The following RTTN variants were observed in gnomAD, a reference collection of about 807,000 sequenced individuals.
RTTN encodes rotatin.
A neutral mutation model predicts 269.2 loss-of-function variants in RTTN; 182 were observed. That is an observed-to-expected ratio of 0.68 (90% confidence interval 0.60 to 0.76). The LOEUF (loss-of-function observed/expected upper bound fraction) is 0.76. Ranked by LOEUF, RTTN falls within the 30% of genes least tolerant of loss-of-function variation. The pLI, the probability that RTTN is intolerant of heterozygous loss-of-function variation, is 0.00. For missense variants in RTTN, 2,545 were observed against 2,608.6 expected (o/e 0.98, Z 0.53); for synonymous variants, 1,006 against 963.5 (o/e 1.04, Z -0.82).
intron 23 of RTTN, chr18:70,130,180 G>A (rs2059963319): frequency 6.6e-6 from 1 of 151,880 alleles, no homozygotes; most frequent in African/African-American, 2.4e-5. Context: ...ACTGTTAGTG[G>A]GAATGTAAAT....
In RTTN at chr18:70,052,437, T is replaced by C. The variant is rs2057696753; in HGVS notation, c.5186-889A>G. Among the ~76,000 whole-genome samples the C allele has an allele frequency of 2.0e-5, 3 of 152,292 alleles. No homozygotes were observed. In the East Asian group the frequency reaches 5.8e-4, roughly 29 times the overall value. On this transcript the variant is annotated intron_variant, in intron 38 of 48. Transcript: ENST00000640769. ...ATTTTAATTCCACACATATACTGTA[T>C]ATCTCTTTATGTACTATATGTATAT... is the stretch of plus-strand genomic sequence containing the variant.
intron 14 of RTTN, 110 bp downstream of exon 14, chr18:70,165,952 A>G (rs2060972926): frequency 9.6e-7 from 1 of 1,046,434 alleles, no homozygotes; most frequent in Admixed American, 2.6e-5. Context: ...TTTATGGGAT[A>G]TAGTTCTTAT....
chr18:70,029,201 A>T (rs1599169056), intron 42 of RTTN, among the ~76,000 whole-genome samples: 1 of 152,096 alleles, frequency 6.6e-6, no homozygotes. Context: ...ACATACAATC[A>T]ATCTCCTGCA....
intron 4 of RTTN, among the ~76,000 whole-genome samples, chr18:70,201,532 C>T (rs1271645112): frequency 2.4e-5 from 3 of 125,592 alleles, no homozygotes; most frequent in African/African-American, 2.8e-5. Flanking sequence ...GGCGTGAACC[C>T]GGGAGGCGGA....
intron 35 of RTTN, among the ~76,000 whole-genome samples, chr18:70,063,168 A>G (rs1015867703): frequency 2.6e-5 from 4 of 152,138 alleles, no homozygotes; most frequent in Admixed American, 6.5e-5. Context: ...TTTGTTATCT[A>G]TTGCCAAATT....
At chr18:70,070,022 A>C (rs141385774) in intron 34 of RTTN, among the ~76,000 whole-genome samples, 3 of 152,350 alleles carry the variant, frequency 2.0e-5, no homozygotes, top group East Asian at 3.9e-4. Context: ...AAGAAGTTTA[A>C]ATTATTTCAA....
intron 44 of RTTN, among the ~76,000 whole-genome samples, chr18:70,022,784 G>A (rs149175587): frequency 1.3e-5 from 2 of 152,224 alleles, no homozygotes; most frequent in East Asian, 3.9e-4. Context: ...TTCTGTGACT[G>A]TGCACTGTTA....
chr18:70,192,688 A>G (rs2061703152), intron 8 of RTTN, among the ~76,000 whole-genome samples: 1 of 150,828 alleles, frequency 6.6e-6, no homozygotes, highest in Non-Finnish European at 1.5e-5. Context: ...AAAAAAAAAA[A>G]AGAAAAAAAT....
Position 70,004,007 on chromosome 18 carries a change from T to TTC in RTTN, c.*142_*143dup, listed in dbSNP as rs989032445. The TTC allele has an allele frequency of 1.7e-6, 1 of 591,362 alleles. No individual in the cohort carries two copies. 36.6% of individuals were successfully genotyped at this position (591,362 alleles called of 1,614,324 possible). ...CTGGACGGTGTTGGAGTATCACCAG[T>TTC]TCTCTCTCTCATGGGAAAGAAGGGG... is the stretch of plus-strand genomic sequence containing the variant. On this transcript the variant is annotated 3_prime_UTR_variant, in exon 49 of 49. Coordinates refer to ENST00000640769, the MANE Select transcript of RTTN (RefSeq NM_173630.4).
intron 40 of RTTN, among the ~76,000 whole-genome samples, chr18:70,040,668 TAC>T (rs1234760284): frequency 3.3e-5 from 5 of 152,216 alleles, no homozygotes; most frequent in Admixed American, 6.5e-5. Context: ...GGCTGCAGAA[TAC>T]ACATTCTTCT....
intron 10 of RTTN, among the ~76,000 whole-genome samples, chr18:70,179,814 T>C (rs1355537067): frequency 6.6e-6 from 1 of 152,168 alleles, no homozygotes; most frequent in Non-Finnish European, 1.5e-5. Context: ...CCTCACATGC[T>C]TCCAATGGAC....
intron 40 of RTTN, among the ~76,000 whole-genome samples, chr18:70,040,652 T>C (rs1220321234): frequency 6.6e-6 from 1 of 152,210 alleles, no homozygotes; most frequent in Non-Finnish European, 1.5e-5. Context: ...GAACATTTCA[T>C]CTAATGGCTG....
intron 43 of RTTN, among the ~76,000 whole-genome samples, chr18:70,027,448 T>G (rs1210055383): frequency 1.3e-5 from 2 of 152,340 alleles, no homozygotes; most frequent in Non-Finnish European, 1.5e-5. Context: ...TTTGACTTAT[T>G]GAGATATCAC....
intron 32 of RTTN, among the ~76,000 whole-genome samples, chr18:70,076,080 C>T (rs1657303282): frequency 6.6e-6 from 1 of 151,962 alleles, no homozygotes; most frequent in Admixed American, 6.6e-5. Context: ...TATACATACA[C>T]ACACATGAAC....
chr18:70,112,483 CAAAAAAAAAA>C (rs36147576), intron 27 of RTTN, among the ~76,000 whole-genome samples: 4 of 68,044 alleles, frequency 5.9e-5, no homozygotes, highest in Non-Finnish European at 7.8e-5. Context: ...AAATGGAAAG[CAAAAAAAAAA>C]AAAAAAAAGC....
chr18:70,056,183 G>A (rs2057812381), intron 37 of RTTN, among the ~76,000 whole-genome samples: 1 of 152,216 alleles, frequency 6.6e-6, no homozygotes, highest in South Asian at 2.1e-4. Flanking sequence ...ACCTAGAACA[G>A]AATCTGGTAA....
At chr18:70,174,202 A>T (rs1396700343) in intron 11 of RTTN, among the ~76,000 whole-genome samples, 2 of 152,056 alleles carry the variant, frequency 1.3e-5, no homozygotes, top group Admixed American at 6.6e-5. Context: ...ATAGCATTTT[A>T]AAAATCATTT....
intron 14 of RTTN, among the ~76,000 whole-genome samples, chr18:70,157,916 TA>T (rs57623242): frequency 0.83 from 124,668 of 149,812 alleles, 54,764 homozygotes; most frequent in East Asian, 1. Flanking sequence ...AAAAAAGAAT[TA>T]AAAAAAAAAA....
intron 40 of RTTN, among the ~76,000 whole-genome samples, chr18:70,039,407 GA>G (rs796677303): frequency 6.1e-4 from 87 of 141,654 alleles, no homozygotes; most frequent in Middle Eastern, 3.6e-3. Flanking sequence ...GTGCTGCAGG[GA>G]AAAAAAAAAA....
Sources: allele counts gnomAD v4.1 joint callset (sites outside exome capture counted in the v4.1 genomes callset), GRCh38; gene constraint gnomAD v4.1.1; transcripts MANE v1.5; gene names NCBI Gene and HGNC (gene_info 2026-07-23, HGNC 2026-07-21).